Variants in ZNF160 observed in about 807,000 individuals in gnomAD.
ZNF160 encodes KRAB zinc finger protein KR18.
In ZNF160, 9 loss-of-function variants were observed where a neutral mutation model predicts 13.1. That is an observed-to-expected ratio of 0.69 (90% CI 0.41 to 1.20). The LOEUF (loss-of-function observed/expected upper bound fraction) is 1.20. Ranked by LOEUF, ZNF160 falls within the 50% of genes most tolerant of loss-of-function variation. The pLI is 0.01. For missense variants in ZNF160, 838 were observed against 988.0 expected, an observed-to-expected ratio of 0.85 and a Z score of 2.04; for synonymous variants, 293 against 333.2, an observed-to-expected ratio of 0.88 and a Z score of 1.31.
rs1362471963 is a variant in ZNF160 at position 53,082,651 on chromosome 19, C to T, written c.15+3611G>A. On this transcript the variant is annotated intron_variant, in intron 3 of 5. Transcript: ENST00000683776. ...CACGACTGGACTCCAGCCTGGACAA[C>T]AGAGTAAGAGCCTCTCAAAACAATA... Among the ~76,000 whole-genome samples the T allele has an allele frequency of 4.6e-5, 7 of 152,294 alleles. No homozygotes were observed. In the East Asian group the frequency reaches 7.7e-4, roughly 17 times the overall value.
At chr19:53,088,262 G>C (rs1389325332) in intron 2 of ZNF160, among the ~76,000 whole-genome samples, 1 of 152,230 alleles carries the variant, frequency 6.6e-6, no homozygotes, top group Non-Finnish European at 1.5e-5. Flanking sequence ...GATGAGGACA[G>C]GACATGAATT....
chr19:53,076,957 C>T (rs1424091485), intron 3 of ZNF160: 2 of 152,076 alleles, frequency 1.3e-5, no homozygotes, highest in Admixed American at 1.3e-4. Flanking sequence ...AGGCTCATAA[C>T]GTTCTGACTT....
rs769511202 is a variant in ZNF160, at chr19:53,068,263, C to A, written c.2271G>T (p.Gly757=). 6.2e-7 allele frequency: 1 copy of A among 1,612,004 alleles called. No homozygotes were observed. The highest frequency in any genetic ancestry group is 8.5e-7 in the Non-Finnish European group (1 of 1,179,318). The change falls in exon 6 of 6, where the codon GGG becomes GGT. Residue 757 remains glycine (G), a synonymous_variant. Transcript: ENST00000683776. The part of the protein sequence containing the change: ...HLANHRRIHT[G]EKPYRCTECG... ...ACTCTGTACACCTGTAAGGTTTCTC[C>A]CCAGTATGAATTCTTCGGTGATTTG...
At chr19:53,094,039 C>A (rs1378852036) in intron 1 of ZNF160, among the ~76,000 whole-genome samples, 1 of 152,164 alleles carries the variant, frequency 6.6e-6, no homozygotes, top group Non-Finnish European at 1.5e-5. Context: ...CGATATCATA[C>A]AAGGTAACAC....
intron 3 of ZNF160, chr19:53,084,828 G>A (rs1568492933): frequency 6.6e-6 from 1 of 152,126 alleles, no homozygotes; most frequent in Admixed American, 6.5e-5. Flanking sequence ...ATAGAATCTT[G>A]CCAGATCTAG....
chr19:53,082,649 A>G (rs573460664), intron 3 of ZNF160, among the ~76,000 whole-genome samples: 101 of 152,366 alleles, frequency 6.6e-4, no homozygotes, highest in African/African-American at 2.1e-3. Flanking sequence ...CAGCCTGGAC[A>G]ACAGAGTAAG....
intron 1 of ZNF160, among the ~76,000 whole-genome samples, 195 bp downstream of exon 1, chr19:53,103,070 C>CT (rs2085507368): frequency 6.6e-6 from 1 of 152,104 alleles, no homozygotes; most frequent in Non-Finnish European, 1.5e-5. Flanking sequence ...GCGGTGAGGA[C>CT]TTTAAGCGAT....
chr19:53,069,571 G>A lies in ZNF160; in HGVS notation c.963C>T (p.Val321=). The change falls in exon 6 of 6, where the codon GTC becomes GTT. Residue 321 remains valine (V), a synonymous_variant. Transcript: ENST00000683776. This position sits in a 1 kb window ranked among gnomAD's most constrained non-coding sequence, Gnocchi z 4.4. ...TTGCAAGGTATGAATTGTGCCTGAA[G>A]ACCTTGCCACACTCATGACATTTGT... ...KPYKCHECGK[V]FRHNSYLATH... is the part of the protein sequence containing the mutation. 1 of 1,614,108 alleles carries A rather than the reference G, an allele frequency of 6.2e-7. No individual in the cohort carries two copies. The highest frequency in any genetic ancestry group is 8.5e-7 in the Non-Finnish European group (1 of 1,180,026).
intron 3 of ZNF160, among the ~76,000 whole-genome samples, chr19:53,079,894 T>G (rs112686589): frequency 2.0e-5 from 3 of 151,930 alleles, no homozygotes; most frequent in Non-Finnish European, 4.4e-5. Flanking sequence ...GAGACCAACA[T>G]GGGCAACATA....
chr19:53,087,335 T>G (rs543329021), intron 2 of ZNF160, among the ~76,000 whole-genome samples: 1 of 152,358 alleles, frequency 6.6e-6, no homozygotes, highest in South Asian at 2.1e-4. Context: ...AAAAAATTTA[T>G]GAAACCATGT....
chr19:53,078,898 T>C (rs2084512641), intron 3 of ZNF160, among the ~76,000 whole-genome samples: 1 of 151,478 alleles, frequency 6.6e-6, no homozygotes, highest in East Asian at 1.9e-4. Context: ...TTAACAATTC[T>C]CAAACAATTC....
intron 5 of ZNF160, among the ~76,000 whole-genome samples, chr19:53,071,910 C>T (rs930005601): frequency 6.6e-6 from 1 of 151,988 alleles, no homozygotes; most frequent in Admixed American, 6.6e-5. Flanking sequence ...TGGCAAAGAG[C>T]TCACAGGAAA....
At chr19:53,089,504 C>G (rs35495310) in intron 2 of ZNF160, among the ~76,000 whole-genome samples, 29,868 of 152,068 alleles carry the variant, frequency 0.2, 3,172 homozygotes, top group East Asian at 0.34. Flanking sequence ...GGAGGAAGAG[C>G]GTGGCCCACA....
intron 1 of ZNF160, among the ~76,000 whole-genome samples, chr19:53,096,628 AC>A (rs1195899428): frequency 7.3e-6 from 1 of 137,926 alleles, no homozygotes; most frequent in African/African-American, 2.7e-5. Flanking sequence ...TTATTCACAG[AC>A]CCAGATCCTT....
In ZNF160 at chr19:53,067,807, CATCGGTCACTGGGTA is replaced by C. The variant is rs2084012598; in HGVS notation, c.*255_*269del. On this transcript the variant is annotated 3_prime_UTR_variant, in exon 6 of 6. Transcript: ENST00000683776. ...ATTCCTCCTAGGAATCCTCACTTAC[CATCGGTCACTGGGTA>C]ATGGCCTCAGGATGCATATTACATT... The C allele has an allele frequency of 2.8e-6, 1 of 358,362 alleles. No individual in the cohort carries two copies. The highest frequency in any genetic ancestry group is 6.9e-5 in the South Asian group (1 of 14,396). 22.2% of individuals were successfully genotyped at this position (358,362 alleles called of 1,614,324 possible). A position where few individuals can be genotyped will look rare whatever the true frequency, so the allele number is the denominator to read the frequency against.
At chr19:53,102,246 G>A (rs2085472628) in intron 1 of ZNF160, among the ~76,000 whole-genome samples, 1 of 151,528 alleles carries the variant, frequency 6.6e-6, no homozygotes, top group Non-Finnish European at 1.5e-5. Context: ...CCCCATCTCC[G>A]CGCCTCCTCT....
intron 1 of ZNF160, among the ~76,000 whole-genome samples, chr19:53,098,801 C>T (rs1292981267): frequency 6.6e-6 from 1 of 151,078 alleles, no homozygotes; most frequent in Non-Finnish European, 1.5e-5. Context: ...ATGTGTAGAG[C>T]GCGGAAGACC....
chr19:53,097,590 G>C (rs1311802096), intron 1 of ZNF160, among the ~76,000 whole-genome samples: 1 of 152,112 alleles, frequency 6.6e-6, no homozygotes, highest in Non-Finnish European at 1.5e-5. Context: ...CACTCATAGT[G>C]ACTCCACCCC....
chr19:53,098,534 G>A (rs553577283), intron 1 of ZNF160, among the ~76,000 whole-genome samples: 3 of 151,620 alleles, frequency 2.0e-5, no homozygotes, highest in Admixed American at 6.6e-5. Flanking sequence ...AAGATTGGCC[G>A]GATTGAGCTG....
Sources: allele counts gnomAD v4.1 joint callset (sites outside exome capture counted in the v4.1 genomes callset), GRCh38; gene constraint gnomAD v4.1.1; non-coding constraint Gnocchi (gnomAD v3.1); transcripts MANE v1.5; gene names NCBI Gene and HGNC (gene_info 2026-07-23, HGNC 2026-07-21).